Variants in TTI1 observed in about 807,000 individuals in gnomAD.
The protein encoded by TTI1 is TELO2-interacting protein 1 homolog.
In TTI1, 52 loss-of-function variants were observed where a neutral mutation model predicts 85.4. The ratio of observed to expected loss-of-function variants is 0.61; its 90% CI spans 0.49 to 0.77. The LOEUF (loss-of-function observed/expected upper bound fraction) is 0.77. Among genes scored for constraint, TTI1 ranks in the 30% least tolerant of loss-of-function variants. The pLI, the probability that TTI1 is intolerant of heterozygous loss-of-function variation, is 0.00. For missense variants in TTI1, 1,173 were observed against 1,296.0 expected (o/e 0.91, Z 1.46); for synonymous variants, 512 against 503.9 (o/e 1.02, Z -0.22).
At chr20:38,020,256 G>A (rs1446537638) in intron 1 of TTI1, among the ~76,000 whole-genome samples, 1 of 142,620 alleles carries the variant, frequency 7.0e-6, no homozygotes, top group African/African-American at 2.6e-5. Context: ...AAATGAAGGG[G>A]TGAAAAGAAT....
intron 3 of TTI1, among the ~76,000 whole-genome samples, chr20:38,003,571 G>A (rs2073455284): frequency 6.6e-6 from 1 of 152,092 alleles, no homozygotes; most frequent in African/African-American, 2.4e-5. Flanking sequence ...TGACCAACAT[G>A]GCAAAACCCC....
chr20:38,016,773 A>G (rs1041551587), intron 1 of TTI1, among the ~76,000 whole-genome samples: 2 of 152,160 alleles, frequency 1.3e-5, no homozygotes, highest in African/African-American at 4.8e-5. Context: ...ACATTTCACA[A>G]TGACACTTAA....
rs899671435 is a variant in TTI1 at position 38,006,611 on chromosome 20, G to A, written c.2303-214C>T. ...CTGTTTCAGAACTCTTGCATAGGCC[G>A]TTCTCTGTGTCTGGAATACCTCCCA... On this transcript the variant is annotated intron_variant, in intron 2 of 7. Coordinates refer to ENST00000373447, the MANE Select transcript of TTI1 (RefSeq NM_001303457.2). 5.3e-5 allele frequency among the ~76,000 whole-genome samples: 8 copies of A among 152,126 alleles called. No individual in the cohort carries two copies. In the South Asian group the frequency reaches 6.2e-4, roughly 12 times the overall value.
rs530460882 is a variant in TTI1 at position 37,988,466 on chromosome 20, G to A, written c.3087-4827C>T. 1.2e-4 allele frequency among the ~76,000 whole-genome samples: 19 copies of A among 152,290 alleles called. No individual in the cohort carries two copies. The East Asian group carries it at 1.4e-3, about 11-fold the overall frequency. Reference sequence around the variant, plus strand: ...TGCTCAAAGAGAGATCTAGAAAACCGCCAGCCAATGAGGGCCCAGTGAAGC... The same window carrying A: ...TGCTCAAAGAGAGATCTAGAAAACCACCAGCCAATGAGGGCCCAGTGAAGC... On this transcript the variant is annotated intron_variant, in intron 7 of 7. Transcript: ENST00000373447.
chr20:37,995,139 G>A (rs982890590), intron 7 of TTI1, among the ~76,000 whole-genome samples: 34 of 152,282 alleles, frequency 2.2e-4, no homozygotes, highest in Non-Finnish European at 3.7e-4. Context: ...GATTCTGTAC[G>A]GAATAAAAAT....
In TTI1 at chr20:37,999,282, T is replaced by G; in HGVS notation, c.2699A>C (p.Lys900Thr). The G allele has an allele frequency of 6.6e-7, 1 of 1,521,968 alleles. No individual in the cohort carries two copies. Among genetic ancestry groups the G allele is most frequent in the Non-Finnish European group, 8.8e-7 (1 of 1,132,278 alleles). The allele number at this position is 1,521,968 out of a possible 1,614,324, so 94.3% of individuals were successfully genotyped here. The change falls in exon 5 of 8, where the codon AAA becomes ACA. Residue 900 changes from lysine (K) to threonine (T), a missense_variant. Transcript: ENST00000373447. ...DLCVVVLQSH[K>T]NQLLPLAHQA... is the part of the protein sequence containing the mutation. ...ATGAGCCAAGGGAAGCAGCTGGTTT[T>G]TGTGGGACTGAAGAACAACCACACA... is the stretch of plus-strand genomic sequence containing the variant.
At chr20:37,987,554 G>C (rs1007284295) in intron 7 of TTI1, 4 of 359,192 alleles carry the variant, frequency 1.1e-5, no homozygotes, top group Non-Finnish European at 2.2e-5. Context: ...GTTATCAAGA[G>C]ATTATCTGGT....
intron 2 of TTI1, among the ~76,000 whole-genome samples, chr20:38,011,060 T>C (rs1318833886): frequency 6.6e-6 from 1 of 152,206 alleles, no homozygotes; most frequent in Non-Finnish European, 1.5e-5. Flanking sequence ...CTTAGTACCG[T>C]TCTAGACAAT....
chr20:38,022,224 C>T (rs947427527), intron 1 of TTI1, among the ~76,000 whole-genome samples: 1 of 152,192 alleles, frequency 6.6e-6, no homozygotes, highest in African/African-American at 2.4e-5. Context: ...GTTCTCTCCC[C>T]CATGTCCTCA....
chr20:37,993,867 T>C (rs1033518555), intron 7 of TTI1, among the ~76,000 whole-genome samples: 11 of 152,348 alleles, frequency 7.2e-5, no homozygotes, highest in Admixed American at 5.9e-4. Context: ...TCACTCTGAC[T>C]GCAGTATGGA....
In TTI1 at chr20:37,983,471, G is replaced by A. The variant is rs372798073; in HGVS notation, c.3255C>T (p.Leu1085=). ...GGGAGCAGGGTCACTGCAGCTCCTT[G>A]AGCAGCTGGAGCACGTTGGTCGTGT... ...NPYTTNVLQL[L]KELQ is the part of the protein sequence containing the mutation. The change falls in exon 8 of 8, where the codon CTC becomes CTT. Residue 1085 remains leucine (L), a synonymous_variant. Coordinates refer to ENST00000373447, the MANE Select transcript of TTI1 (RefSeq NM_001303457.2). 3 of 1,610,628 alleles carry A rather than the reference G, an allele frequency of 1.9e-6. No individual in the cohort carries two copies. The highest frequency in any genetic ancestry group is 1.3e-5 in the African/African-American group (1 of 74,862).
At chr20:38,014,024 A>G (rs1312552123) in intron 1 of TTI1, 167 bp from the exon 2 acceptor site, 7 of 618,834 alleles carry the variant, frequency 1.1e-5, no homozygotes, top group Admixed American at 3.1e-5. Context: ...AGGGAAGTAC[A>G]TGTACAGTTA....
chr20:38,010,744 G>A (rs2073573008), intron 2 of TTI1, among the ~76,000 whole-genome samples: 1 of 151,982 alleles, frequency 6.6e-6, no homozygotes, highest in South Asian at 2.1e-4. Context: ...CCAAAGTGCT[G>A]GGATTACAGG....
chr20:37,994,760 G>A (rs1159918737), intron 7 of TTI1, among the ~76,000 whole-genome samples: 1 of 152,164 alleles, frequency 6.6e-6, no homozygotes, highest in Non-Finnish European at 1.5e-5. Context: ...AAAGGGAGCT[G>A]CGGTCAAGTG....
In TTI1 at chr20:38,013,140, T is replaced by G. The variant is rs1483432327; in HGVS notation, c.677A>C (p.Lys226Thr). ...AGATACGACAATGCTGTGACCTTGT[T>G]TAAAGTCTCCTGTGATAAGCCTGGT... ...ALTRLITGDF[K>T]QGHSIVVSSL... The change falls in exon 2 of 8, where the codon AAA (lysine) becomes ACA (threonine). Residue 226 changes from lysine (K) to threonine (T), a missense_variant. Lys to Thr is a moderately conservative substitution (Grantham distance 78). Coordinates refer to ENST00000373447, the MANE Select transcript of TTI1 (RefSeq NM_001303457.2). 11 of 1,614,018 alleles carry G rather than the reference T, an allele frequency of 6.8e-6. No homozygotes were observed. The highest frequency in any genetic ancestry group is 9.3e-6 in the Non-Finnish European group (11 of 1,180,028).
chr20:38,017,243 G>T (rs73905524), intron 1 of TTI1, among the ~76,000 whole-genome samples: 46 of 152,256 alleles, frequency 3.0e-4, no homozygotes, highest in African/African-American at 1.1e-3. Context: ...TTCCAAGTAG[G>T]ATATAGTATG....
At position 38,013,835 on chromosome 20, in the gene TTI1, T is replaced by C; in HGVS notation, c.-19A>G. On this transcript the variant is annotated 5_prime_UTR_variant, in exon 2 of 8. The change abolishes the stop of an existing upstream ORF in the 5' untranslated region. Coordinates refer to ENST00000373447, the MANE Select transcript of TTI1 (RefSeq NM_001303457.2). ...CTGCCATTGTGCAGCAGCCTTCCCC[T>C]CATTGAGGAAACATCCTGCAGGCTG... 6.3e-7 allele frequency: 1 copy of C among 1,593,708 alleles called. No individual in the cohort carries two copies. The highest frequency in any genetic ancestry group is 8.5e-7 in the Non-Finnish European group (1 of 1,170,784).
intron 7 of TTI1, chr20:37,986,945 A>G (rs2073198019): frequency 5.9e-6 from 2 of 340,780 alleles, no homozygotes; most frequent in African/African-American, 4.3e-5. Flanking sequence ...AATTTCGCCC[A>G]TTATTTTCAG....
Position 38,002,885 on chromosome 20 carries a change from C to T in TTI1, c.2504-109G>A, listed in dbSNP as rs2073446431. 2.8e-6 allele frequency: 4 copies of T among 1,436,760 alleles called. No homozygotes were observed. In the Admixed American group the frequency reaches 7.2e-5, roughly 26 times the overall value. 89.0% of individuals were successfully genotyped at this position (1,436,760 alleles called of 1,614,324 possible). A position where few individuals can be genotyped will look rare whatever the true frequency, so the allele number is the denominator to read the frequency against. ...AGTCTTAGGTATTTGGTTACAGCAG[C>T]ACAAATGGACTGAGACACCTCCACT... is the stretch of plus-strand genomic sequence containing the variant. On this transcript the variant is annotated intron_variant, in intron 3 of 7. Transcript: ENST00000373447.
Sources: gnomAD v4.1 joint callset for allele counts (sites outside exome capture counted in the v4.1 genomes callset) on GRCh38, gnomAD v4.1.1 for gene constraint, MANE v1.5 for transcripts, NCBI Gene and HGNC (gene_info 2026-07-23, HGNC 2026-07-21) for gene names.